Variants in BACH2 observed in about 807,000 individuals in gnomAD.
BACH2 encodes BACH transcriptional regulator 2.
A neutral mutation model predicts 61.8 loss-of-function variants in BACH2; 5 were observed. The observed-to-expected ratio is 0.08, with a 90% CI of 0.04 to 0.17. The LOEUF (loss-of-function observed/expected upper bound fraction) is 0.17, where lower values mean the gene tolerates loss of function less well. Ranked by LOEUF, BACH2 falls within the 10% of genes least tolerant of loss-of-function variation. The pLI is 1.00. For missense variants in BACH2, 824 were observed against 1,091.1 expected (o/e 0.76, Z 3.45); for synonymous variants, 446 against 440.1 (o/e 1.01, Z -0.17).
At chr6:90,023,299 TTTCTCGTGGTTTA>T (rs1778475868) in intron 5 of BACH2, among the ~76,000 whole-genome samples, 1 of 149,760 alleles carries the variant, frequency 6.7e-6, no homozygotes, top group Non-Finnish European at 1.5e-5. Context: ...ATAGGGGAGG[TTTCTCGTGGTTTA>T]ACACCATCCC....
chr6:90,063,372 C>G (rs192629351), intron 5 of BACH2, among the ~76,000 whole-genome samples: 10 of 152,286 alleles, frequency 6.6e-5, no homozygotes, highest in Non-Finnish European at 1.0e-4. Flanking sequence ...TGAAATATCA[C>G]ATCACATTAC....
chr6:90,191,169 C>G (rs148495597), intron 4 of BACH2, among the ~76,000 whole-genome samples: 3 of 152,188 alleles, frequency 2.0e-5, no homozygotes, highest in Non-Finnish European at 4.4e-5. Context: ...ACCTGCATAA[C>G]CTGGCCACAT....
intron 1 of BACH2, among the ~76,000 whole-genome samples, chr6:90,285,909 A>G (rs1183135134): frequency 6.6e-6 from 1 of 152,248 alleles, no homozygotes; most frequent in Admixed American, 6.5e-5. Flanking sequence ...AAACAAAAAC[A>G]GGGTACATGC....
intron 3 of BACH2, among the ~76,000 whole-genome samples, chr6:90,236,716 C>A (rs1034414738): frequency 3.9e-5 from 6 of 152,092 alleles, no homozygotes; most frequent in Non-Finnish European, 8.8e-5. Flanking sequence ...AAAAGAGAGT[C>A]TCTGGGATTT....
At chr6:90,102,415 G>A (rs374766086) in intron 4 of BACH2, among the ~76,000 whole-genome samples, 125 of 152,114 alleles carry the variant, frequency 8.2e-4, no homozygotes, top group African/African-American at 2.8e-3. Flanking sequence ...GTCTGGCCTC[G>A]CCATTCTCAA....
At chr6:90,167,869 T>G (rs538371049) in intron 4 of BACH2, among the ~76,000 whole-genome samples, 41 of 152,336 alleles carry the variant, frequency 2.7e-4, no homozygotes, top group African/African-American at 9.4e-4. Context: ...GTAAACTTGG[T>G]TAAAAGAAAC....
chr6:90,212,222 G>GA (rs5878119), intron 3 of BACH2, among the ~76,000 whole-genome samples: 50,901 of 151,990 alleles, frequency 0.33, 9,781 homozygotes, highest in Non-Finnish European at 0.43. Flanking sequence ...TTTTATTACA[G>GA]AAAGCTAATC....
chr6:89,949,030 C>T (rs974468239), intron 7 of BACH2, among the ~76,000 whole-genome samples: 4 of 152,178 alleles, frequency 2.6e-5, no homozygotes, highest in African/African-American at 4.8e-5. Context: ...TTTCAAAACA[C>T]GCCCAAACTA....
At chr6:90,200,981 T>A (rs961980369) in intron 4 of BACH2, among the ~76,000 whole-genome samples, 10 of 152,182 alleles carry the variant, frequency 6.6e-5, no homozygotes, top group South Asian at 2.1e-4. Context: ...TACCTTTTTT[T>A]AAAAAATGAA....
intron 3 of BACH2, among the ~76,000 whole-genome samples, chr6:90,236,865 T>C (rs1398041345): frequency 6.6e-6 from 1 of 152,164 alleles, no homozygotes; most frequent in African/African-American, 2.4e-5. Flanking sequence ...GCACTTATAC[T>C]ATGTCCATGA....
chr6:90,138,473 TG>T (rs1405019084), intron 4 of BACH2, among the ~76,000 whole-genome samples: 1 of 152,020 alleles, frequency 6.6e-6, no homozygotes, highest in African/African-American at 2.4e-5. Flanking sequence ...CACTCCAGCC[TG>T]GGTGACAGAG....
At chr6:90,209,414 T>A (rs1016907240) in intron 3 of BACH2, among the ~76,000 whole-genome samples, 1 of 152,238 alleles carries the variant, frequency 6.6e-6, no homozygotes, top group Non-Finnish European at 1.5e-5. Flanking sequence ...TGCATGTAAC[T>A]TTTACTCTTT....
intron 5 of BACH2, among the ~76,000 whole-genome samples, chr6:90,083,683 A>G (rs1362664658): frequency 5.3e-5 from 8 of 152,104 alleles, no homozygotes; most frequent in Admixed American, 5.2e-4. Context: ...TCAACATTTA[A>G]CCTCTGGCAC....
rs180710335 is a variant in BACH2, at chr6:89,934,093, C to T, written c.2044-1203G>A. On this transcript the variant is annotated intron_variant, in intron 8 of 8. Transcript: ENST00000257749. ...TCATATAGAACCCAGTATCAGCAGG[C>T]TCTCTGGCCTTGGTAGCAGAGCAGA... Among the ~76,000 whole-genome samples the T allele has an allele frequency of 2.8e-4, 43 of 152,314 alleles. No individual in the cohort carries two copies. In the East Asian group the frequency reaches 6.8e-3, roughly 24 times the overall value.
intron 4 of BACH2, among the ~76,000 whole-genome samples, chr6:90,171,142 G>A (rs1767797836): frequency 6.6e-6 from 1 of 152,118 alleles, no homozygotes; most frequent in Non-Finnish European, 1.5e-5. Context: ...TGGGTGCAGT[G>A]GCTCACGCCT....
At chr6:90,142,777 T>C (rs1382050151) in intron 4 of BACH2, among the ~76,000 whole-genome samples, 1 of 152,202 alleles carries the variant, frequency 6.6e-6, no homozygotes, top group Non-Finnish European at 1.5e-5. Context: ...ATTTAAATTT[T>C]CTTCTGTTTG....
intron 5 of BACH2, among the ~76,000 whole-genome samples, chr6:90,042,754 T>C (rs1779599085): frequency 6.6e-6 from 1 of 152,216 alleles, no homozygotes; most frequent in Non-Finnish European, 1.5e-5. Flanking sequence ...ATACCTATAA[T>C]CTTTAATAGG....
chr6:90,014,731 G>T (rs538438625), intron 5 of BACH2, among the ~76,000 whole-genome samples: 1 of 151,058 alleles, frequency 6.6e-6, no homozygotes, highest in African/African-American at 2.4e-5. Flanking sequence ...CCTTGGCCTC[G>T]CAAAGTCTTG....
chr6:89,939,656 C>A (rs938338933), intron 7 of BACH2, among the ~76,000 whole-genome samples: 1 of 82,618 alleles, frequency 1.2e-5, no homozygotes, highest in Non-Finnish European at 2.2e-5. Context: ...GCTTATATTT[C>A]TTTTTTTTTT....
Sources: allele counts gnomAD v4.1 joint callset (sites outside exome capture counted in the v4.1 genomes callset), GRCh38; gene constraint gnomAD v4.1.1; transcripts MANE v1.5; gene names NCBI Gene and HGNC (gene_info 2026-07-23, HGNC 2026-07-21).